Variants in LRP1B observed in about 807,000 individuals in gnomAD.
LRP1B encodes low-density lipoprotein receptor-related protein 1B.
A neutral mutation model predicts 556.6 loss-of-function variants in LRP1B; 217 were observed. That is an observed-to-expected ratio of 0.39 (90% confidence interval 0.35 to 0.44). LRP1B has a LOEUF of 0.44. Among genes scored for constraint, LRP1B ranks in the 20% least tolerant of loss-of-function variants. LRP1B has a pLI of 1.00. For synonymous variants in LRP1B, 2,047 were observed against 1,865.8 expected (o/e 1.10, Z -2.50); for missense variants, 5,053 against 5,620.8 (o/e 0.90, Z 3.23).
At chr2:141,681,886 A>C (rs2105431049) in intron 2 of LRP1B, among the ~76,000 whole-genome samples, 1 of 152,320 alleles carries the variant, frequency 6.6e-6, no homozygotes, top group South Asian at 2.1e-4. Flanking sequence ...GAGTTCCAAT[A>C]GACTTAGCTA....
At chr2:141,574,347 A>G (rs1281722721) in intron 2 of LRP1B, among the ~76,000 whole-genome samples, 1 of 152,188 alleles carries the variant, frequency 6.6e-6, no homozygotes, top group Admixed American at 6.5e-5. Flanking sequence ...CAAAAACCAC[A>G]TGATTATCTC....
chr2:141,950,181 G>C (rs939548465), intron 1 of LRP1B, among the ~76,000 whole-genome samples: 2 of 151,962 alleles, frequency 1.3e-5, no homozygotes, highest in African/African-American at 4.8e-5. Context: ...TTTCTAGATA[G>C]GCTTTAAAAT....
At chr2:141,753,130 C>T (rs564004472) in intron 2 of LRP1B, among the ~76,000 whole-genome samples, 20 of 146,660 alleles carry the variant, frequency 1.4e-4, no homozygotes, top group Non-Finnish European at 2.9e-4. Context: ...TGCCTGTAAT[C>T]CCAGCTACTC....
chr2:140,355,299 T>G (rs1682157892), intron 75 of LRP1B, among the ~76,000 whole-genome samples: 1 of 151,888 alleles, frequency 6.6e-6, no homozygotes, highest in Non-Finnish European at 1.5e-5. Flanking sequence ...TATATGTAAT[T>G]GATAGAAAGA....
intron 1 of LRP1B, among the ~76,000 whole-genome samples, chr2:142,075,260 A>G (rs1379783514): frequency 2.0e-5 from 3 of 152,166 alleles, no homozygotes; most frequent in South Asian, 2.1e-4. Context: ...TATGTTAACC[A>G]TAGTAATCAA....
At chr2:140,703,166 A>T (rs1686709493) in intron 37 of LRP1B, among the ~76,000 whole-genome samples, 1 of 152,128 alleles carries the variant, frequency 6.6e-6, no homozygotes, top group Non-Finnish European at 1.5e-5. Flanking sequence ...GCTAAATGTA[A>T]CTAATCTAGT....
At chr2:141,458,807 T>C (rs933980488) in intron 3 of LRP1B, among the ~76,000 whole-genome samples, 1 of 152,172 alleles carries the variant, frequency 6.6e-6, no homozygotes, top group African/African-American at 2.4e-5. Context: ...TTCTACAACA[T>C]CAGTCCTATT....
chr2:141,673,449 A>G (rs1690750440), intron 2 of LRP1B, among the ~76,000 whole-genome samples: 2 of 152,152 alleles, frequency 1.3e-5, no homozygotes, highest in Non-Finnish European at 2.9e-5. Context: ...CCCTTTTGCT[A>G]GGGAAACATT....
intron 18 of LRP1B, among the ~76,000 whole-genome samples, chr2:140,977,429 T>A (rs950305131): frequency 2.0e-5 from 3 of 152,190 alleles, no homozygotes; most frequent in African/African-American, 7.2e-5. Flanking sequence ...AATGGACTAA[T>A]ACATATGGGA....
At chr2:140,831,215 C>T (rs1323464060) in intron 31 of LRP1B, among the ~76,000 whole-genome samples, 1 of 151,990 alleles carries the variant, frequency 6.6e-6, no homozygotes, top group East Asian at 1.9e-4. Context: ...ATAGCCAAAA[C>T]AATCCTAAGC....
chr2:140,542,124 T>C (rs1346772189), intron 43 of LRP1B, among the ~76,000 whole-genome samples, 153 bp from the exon 44 acceptor site: 2 of 149,010 alleles, frequency 1.3e-5, no homozygotes, highest in Non-Finnish European at 3.0e-5. Context: ...AAATGAATTA[T>C]GATAATATGC....
intron 4 of LRP1B, among the ~76,000 whole-genome samples, chr2:141,248,171 A>T (rs968314521): frequency 3.3e-5 from 5 of 152,146 alleles, no homozygotes; most frequent in African/African-American, 4.8e-5. Flanking sequence ...ATCTTTATGA[A>T]CAACAGATAC....
chr2:141,544,340 C>CTTCTTCTTCTTCTTCTTCTTCTTCTTCTT (rs1685437736), intron 2 of LRP1B, among the ~76,000 whole-genome samples: 18 of 73,270 alleles, frequency 2.5e-4, no homozygotes, highest in African/African-American at 7.1e-4. Flanking sequence ...TCTTCTTCTT[C>CTTCTTCTTCTTCTTCTTCTTCTTCTTCTT]TTCTTCTTCT....
intron 27 of LRP1B, among the ~76,000 whole-genome samples, chr2:140,862,383 A>G (rs1012780589): frequency 6.6e-6 from 1 of 152,220 alleles, no homozygotes; most frequent in Non-Finnish European, 1.5e-5. Context: ...TTCATTTCCC[A>G]TATGACTGCT....
At chr2:140,376,510 T>C (rs1490067155) in intron 68 of LRP1B, among the ~76,000 whole-genome samples, 4 of 152,148 alleles carry the variant, frequency 2.6e-5, no homozygotes, top group Admixed American at 6.5e-5. Context: ...TTTTCAAATT[T>C]ATGAATGCTA....
intron 86 of LRP1B, among the ~76,000 whole-genome samples, chr2:140,264,354 A>G (rs976041108): frequency 1.3e-5 from 2 of 151,938 alleles, no homozygotes; most frequent in Non-Finnish European, 2.9e-5. Context: ...TTAGCCTCCC[A>G]AGTAGCTGGG....
At chr2:141,232,706 G>A (rs1411501848) in intron 5 of LRP1B, among the ~76,000 whole-genome samples, 1 of 152,040 alleles carries the variant, frequency 6.6e-6, no homozygotes, top group African/African-American at 2.4e-5. Flanking sequence ...AATCTAACAG[G>A]GTTTGATTTA....
chr2:140,515,590 T>C (rs1446329008), intron 50 of LRP1B, among the ~76,000 whole-genome samples: 1 of 152,042 alleles, frequency 6.6e-6, no homozygotes, highest in Non-Finnish European at 1.5e-5. Flanking sequence ...CATAAACAAT[T>C]GCAAAACTTT....
At chr2:141,444,955 G>A (rs1681129278) in intron 3 of LRP1B, among the ~76,000 whole-genome samples, 1 of 152,136 alleles carries the variant, frequency 6.6e-6, no homozygotes, top group Non-Finnish European at 1.5e-5. Context: ...ATGAGTTAGG[G>A]AGGAGTCCCT....
Sources: gnomAD v4.1 joint callset for allele counts (sites outside exome capture counted in the v4.1 genomes callset) on GRCh38, gnomAD v4.1.1 for gene constraint, MANE v1.5 for transcripts, NCBI Gene and HGNC (gene_info 2026-07-23, HGNC 2026-07-21) for gene names.